FHIT: variants seen among roughly 807,000 people sequenced by gnomAD.
The protein encoded by FHIT is bis(5'-adenosyl)-triphosphatase.
A neutral mutation model predicts 17.9 loss-of-function variants in FHIT; 19 were observed. The ratio of observed to expected loss-of-function variants is 1.06; its 90% CI spans 0.74 to 1.56. The LOEUF is 1.56. Among genes scored for constraint, FHIT ranks in the 40% most tolerant of loss-of-function variants. The pLI is 0.00. For synonymous variants in FHIT, 81 were observed against 69.7 expected, an observed-to-expected ratio of 1.16 and a Z score of -0.81; for missense variants, 248 against 189.2, an observed-to-expected ratio of 1.31 and a Z score of -1.82.
chr3:60,287,270 G>A (rs1472659541), intron 5 of FHIT, among the ~76,000 whole-genome samples: 1 of 152,130 alleles, frequency 6.6e-6, no homozygotes, highest in Non-Finnish European at 1.5e-5. Context: ...CCAGGTTCAA[G>A]CAATTCTCCT....
chr3:59,836,269 T>C (rs1701336893), intron 8 of FHIT, among the ~76,000 whole-genome samples: 2 of 152,186 alleles, frequency 1.3e-5, no homozygotes, highest in Non-Finnish European at 2.9e-5. Flanking sequence ...CACGATTCCA[T>C]ACTGTTAGGC....
rs573198312 is a variant in FHIT at position 61,244,859 on chromosome 3, G to T, written c.-213+6442C>A. Among the ~76,000 whole-genome samples, 6 of 152,128 alleles carry T rather than the reference G, an allele frequency of 3.9e-5. No homozygotes were observed. In the South Asian group the frequency reaches 1.2e-3, roughly 32 times the overall value. ...AATACACAGGTTTACCAGTTTTGGG[G>T]GTCTTCATTCCATTATGAAGAATCC... is the stretch of plus-strand genomic sequence containing the variant. On this transcript the variant is annotated intron_variant, in intron 1 of 9. Transcript: ENST00000492590.
intron 8 of FHIT, among the ~76,000 whole-genome samples, chr3:59,815,080 C>T (rs1457378008): frequency 1.3e-5 from 2 of 152,130 alleles, no homozygotes; most frequent in Non-Finnish European, 2.9e-5. Context: ...CTTCGGAGAA[C>T]CTGGATTGAG....
chr3:60,052,936 A>G (rs1701941390), intron 5 of FHIT, among the ~76,000 whole-genome samples: 1 of 152,000 alleles, frequency 6.6e-6, no homozygotes, highest in Non-Finnish European at 1.5e-5. Context: ...TAAACCTGCC[A>G]GCCCAAAGCA....
At chr3:59,925,730 G>A (rs1259837493) in intron 7 of FHIT, among the ~76,000 whole-genome samples, 3 of 152,080 alleles carry the variant, frequency 2.0e-5, no homozygotes, top group African/African-American at 7.2e-5. Flanking sequence ...TTTTTCCCGA[G>A]GGCATAGATC....
chr3:59,999,453 G>T (rs212018), intron 7 of FHIT, among the ~76,000 whole-genome samples: 1 of 152,096 alleles, frequency 6.6e-6, no homozygotes, highest in South Asian at 2.1e-4. Context: ...AGCATGTGAT[G>T]AGTATTGCAG....
intron 5 of FHIT, among the ~76,000 whole-genome samples, chr3:60,403,403 G>C (rs1260094841): frequency 6.6e-6 from 1 of 152,126 alleles, no homozygotes; most frequent in Non-Finnish European, 1.5e-5. Context: ...CATCGCTGCT[G>C]TCAGGGCTCA....
chr3:60,968,632 C>T (rs1225824685), intron 3 of FHIT, among the ~76,000 whole-genome samples: 1 of 152,114 alleles, frequency 6.6e-6, no homozygotes, highest in African/African-American at 2.4e-5. Context: ...AGGCTGGTCT[C>T]GAACTCCTGA....
At chr3:61,001,186 A>C (rs2031056294) in intron 3 of FHIT, among the ~76,000 whole-genome samples, 1 of 152,256 alleles carries the variant, frequency 6.6e-6, no homozygotes, top group African/African-American at 2.4e-5. Context: ...CAGAGACACT[A>C]GATCACTCAG....
intron 3 of FHIT, among the ~76,000 whole-genome samples, chr3:61,007,387 TTTAC>T (rs1383758253): frequency 6.6e-6 from 1 of 152,200 alleles, no homozygotes; most frequent in Non-Finnish European, 1.5e-5. Context: ...TTAACAACAG[TTTAC>T]TAGAAATCGA....
At chr3:60,803,846 A>T (rs1192239955) in intron 4 of FHIT, among the ~76,000 whole-genome samples, 1 of 151,736 alleles carries the variant, frequency 6.6e-6, no homozygotes, top group Non-Finnish European at 1.5e-5. Context: ...CTGGCACCGA[A>T]CAGGCCAAGC....
intron 7 of FHIT, among the ~76,000 whole-genome samples, chr3:59,966,671 A>T (rs986033130): frequency 3.9e-5 from 6 of 152,218 alleles, no homozygotes; most frequent in African/African-American, 1.4e-4. Flanking sequence ...AAACTATGGT[A>T]TAAAAGATAA....
chr3:60,217,251 C>A (rs542168774), intron 5 of FHIT, among the ~76,000 whole-genome samples: 1 of 152,166 alleles, frequency 6.6e-6, no homozygotes, highest in East Asian at 1.9e-4. Flanking sequence ...GCTTCATGGC[C>A]TAATTTGATG....
rs1702767797 is a variant in FHIT at position 60,842,626 on chromosome 3, AGTG to A, written c.-110-20618_-110-20616del. ...GTATATATATATACATATATATATG[AGTG>A]TATATATATATATATATTTTTTTTT... On this transcript the variant is annotated intron_variant, in intron 3 of 9. Transcript: ENST00000492590. Among the ~76,000 whole-genome samples the A allele has an allele frequency of 9.8e-3, 773 of 78,840 alleles. 13 individuals are homozygous for A. Among genetic ancestry groups the A allele is most frequent in the African/African-American group, 0.03 (557 of 18,772 alleles). The allele number at this position is 78,840 out of a possible 152,430, so 51.7% of individuals were successfully genotyped here.
intron 5 of FHIT, among the ~76,000 whole-genome samples, chr3:60,180,782 C>G (rs1198118176): frequency 6.6e-6 from 1 of 152,092 alleles, no homozygotes; most frequent in African/African-American, 2.4e-5. Flanking sequence ...GAATTTTAAT[C>G]TGTATCTGGA....
chr3:60,009,167 G>T (rs1469671833), intron 7 of FHIT, among the ~76,000 whole-genome samples: 11 of 7,390 alleles, frequency 1.5e-3, no homozygotes, highest in African/African-American at 4.6e-3. Context: ...GGGATTTTAT[G>T]TGTGTGTGTG....
At chr3:60,603,629 T>A (rs2038514533) in intron 4 of FHIT, among the ~76,000 whole-genome samples, 1 of 152,164 alleles carries the variant, frequency 6.6e-6, no homozygotes, top group Non-Finnish European at 1.5e-5. Context: ...TAAAAAGGAA[T>A]ACATGAAATA....
At chr3:60,823,545 T>G (rs1839070) in intron 3 of FHIT, among the ~76,000 whole-genome samples, 2 of 151,874 alleles carry the variant, frequency 1.3e-5, no homozygotes, top group Non-Finnish European at 2.9e-5. Context: ...ATTGGAGTTA[T>G]GTAGCTGCAA....
chr3:59,822,352 A>C (rs971975276), intron 8 of FHIT, among the ~76,000 whole-genome samples: 3 of 152,132 alleles, frequency 2.0e-5, no homozygotes, highest in African/African-American at 7.2e-5. Flanking sequence ...TTCCATTTTT[A>C]GTTCTTTAAG....
Sources: allele counts gnomAD v4.1 joint callset (sites outside exome capture counted in the v4.1 genomes callset), GRCh38; gene constraint gnomAD v4.1.1; transcripts MANE v1.5; gene names NCBI Gene and HGNC (gene_info 2026-07-23, HGNC 2026-07-21).